The following OSBP2 variants were observed in gnomAD, a reference collection of about 807,000 sequenced individuals.
The protein encoded by OSBP2 is oxysterol binding protein 2, also known as oxysterol-binding protein 2.
In OSBP2, 66 loss-of-function variants were observed where a neutral mutation model predicts 96.0. That is an observed-to-expected ratio of 0.69 (90% CI 0.56 to 0.84). The LOEUF (loss-of-function observed/expected upper bound fraction) is 0.84, where lower values mean the gene tolerates loss of function less well. OSBP2 is among the 40% of genes least tolerant of loss of function. The probability of loss-of-function intolerance (pLI) is 0.00; values close to 1 mark genes in which losing one functional copy is unlikely to be tolerated. For missense variants in OSBP2, 1,038 were observed against 1,222.7 expected (o/e 0.85, Z 2.25); for synonymous variants, 525 against 520.9 (o/e 1.01, Z -0.11).
At chr22:30,847,823 T>C (rs2147051866) in intron 2 of OSBP2, among the ~76,000 whole-genome samples, 1 of 152,342 alleles carries the variant, frequency 6.6e-6, no homozygotes, top group South Asian at 2.1e-4. Context: ...TGTAGTGATT[T>C]CCCCTCTTTC....
At chr22:30,805,402 A>C (rs1269262339) in intron 2 of OSBP2, among the ~76,000 whole-genome samples, 1 of 152,202 alleles carries the variant, frequency 6.6e-6, no homozygotes, top group East Asian at 1.9e-4. Flanking sequence ...GTGTGATGTT[A>C]ATGAGTGAAA....
intron 1 of OSBP2, among the ~76,000 whole-genome samples, chr22:30,725,415 G>A (rs2089629610): frequency 6.6e-6 from 1 of 151,934 alleles, no homozygotes; most frequent in Non-Finnish European, 1.5e-5. Context: ...GGAGGCTGAA[G>A]CATGAGAATC....
intron 12 of OSBP2, chr22:30,902,170 G>A: frequency 3.1e-6 from 2 of 637,318 alleles, no homozygotes; most frequent in South Asian, 4.3e-5. Flanking sequence ...TCCCACGGCA[G>A]TACTGGTGGC....
At chr22:30,808,543 C>T (rs2145853108) in intron 2 of OSBP2, among the ~76,000 whole-genome samples, 1 of 152,244 alleles carries the variant, frequency 6.6e-6, no homozygotes, top group East Asian at 1.9e-4. Flanking sequence ...ATCCTAACCC[C>T]TTGTACCTGT....
intron 11 of OSBP2, 33 bp from the exon 12 acceptor site, chr22:30,893,784 C>T: frequency 6.2e-7 from 1 of 1,607,932 alleles, no homozygotes; most frequent in Admixed American, 1.7e-5. Context: ...AGGGCAGAGT[C>T]TGCACCTACG....
intron 12 of OSBP2, among the ~76,000 whole-genome samples, chr22:30,898,643 T>C (rs1202809397): frequency 6.6e-6 from 1 of 152,038 alleles, no homozygotes; most frequent in Non-Finnish European, 1.5e-5. Flanking sequence ...ACTCACTCAC[T>C]ATCACAAGAA....
chr22:30,796,497 T>TTAAA (rs1372407120), intron 2 of OSBP2, among the ~76,000 whole-genome samples: 5 of 151,982 alleles, frequency 3.3e-5, no homozygotes, highest in Admixed American at 6.5e-5. Context: ...TTTAATTTTT[T>TTAAA]TTAATTATTT....
At chr22:30,831,456 C>A (rs1186922569) in intron 2 of OSBP2, among the ~76,000 whole-genome samples, 1 of 152,154 alleles carries the variant, frequency 6.6e-6, no homozygotes, top group African/African-American at 2.4e-5. Context: ...GGAACCCAAG[C>A]CAGACAGGAC....
At chr22:30,860,205 A>C (rs1037960719) in intron 2 of OSBP2, among the ~76,000 whole-genome samples, 13 of 152,196 alleles carry the variant, frequency 8.5e-5, no homozygotes, top group African/African-American at 3.1e-4. Context: ...GTTACCAGTC[A>C]GTCCCATCGC....
chr22:30,744,544 G>A (rs1220191564), intron 2 of OSBP2, among the ~76,000 whole-genome samples: 2 of 152,078 alleles, frequency 1.3e-5, no homozygotes, highest in Non-Finnish European at 2.9e-5. Context: ...CTATCTGGAT[G>A]TCTATCAGGA....
rs146369673 is a variant in OSBP2 at position 30,889,717 on chromosome 22, T to G, written c.1623+81T>G. 10,073 of 1,317,186 alleles carry G rather than the reference T, an allele frequency of 7.6e-3. 57 individuals carry two copies. Among genetic ancestry groups the G allele is most frequent in the Non-Finnish European group, 9.1e-3 (8,378 of 919,316 alleles). 81.6% of individuals were successfully genotyped at this position (1,317,186 alleles called of 1,614,324 possible). A position where few individuals can be genotyped will look rare whatever the true frequency, so the allele number is the denominator to read the frequency against. On this transcript the variant is annotated intron_variant, in intron 7 of 13. Coordinates refer to ENST00000332585, the MANE Select transcript of OSBP2 (RefSeq NM_030758.4). ...CGTGGATGAGCAGTAATGGCCTGTG[T>G]GAAGTACACACAGCCTTGGAGTGTC...
At chr22:30,858,354 G>A (rs1161714590) in intron 2 of OSBP2, among the ~76,000 whole-genome samples, 6 of 150,702 alleles carry the variant, frequency 4.0e-5, no homozygotes, top group Non-Finnish European at 3.0e-5. Context: ...CACCTTGTTA[G>A]CCAGGATGGT....
At chr22:30,750,836 C>T (rs1244651044) in intron 2 of OSBP2, among the ~76,000 whole-genome samples, 1 of 152,168 alleles carries the variant, frequency 6.6e-6, no homozygotes, top group Admixed American at 6.5e-5. Flanking sequence ...CCTCTGCCTC[C>T]CAGGTTCGAG....
intron 1 of OSBP2, among the ~76,000 whole-genome samples, chr22:30,696,749 G>A (rs147668892): frequency 2.0e-4 from 30 of 152,214 alleles, no homozygotes; most frequent in African/African-American, 6.7e-4. Flanking sequence ...CGCCCCCCAG[G>A]TTCAAGCAAT....
intron 1 of OSBP2, among the ~76,000 whole-genome samples, chr22:30,727,712 C>T (rs1569098730): frequency 6.6e-6 from 1 of 152,080 alleles, no homozygotes. Flanking sequence ...TAACCTAAGT[C>T]TAATATGCGT....
intron 2 of OSBP2, among the ~76,000 whole-genome samples, chr22:30,812,908 C>G (rs1009172064): frequency 6.6e-6 from 1 of 151,820 alleles, no homozygotes; most frequent in African/African-American, 2.4e-5. Context: ...TATTTTGTGA[C>G]TTGTATATTT....
intron 2 of OSBP2, among the ~76,000 whole-genome samples, chr22:30,789,512 G>A (rs547173987): frequency 5.9e-5 from 9 of 152,162 alleles, no homozygotes; most frequent in East Asian, 1.9e-4. Context: ...TGATTTCCTC[G>A]TCATTGACCC....
In OSBP2 at chr22:30,881,620, T is replaced by C; in HGVS notation, c.1108-5806T>C. The C allele has an allele frequency of 1.6e-6, 2 of 1,289,080 alleles. No individual in the cohort carries two copies. Among genetic ancestry groups the C allele is most frequent in the Admixed American group, 2.3e-5 (1 of 43,140 alleles). 79.9% of individuals were successfully genotyped at this position (1,289,080 alleles called of 1,614,324 possible). On this transcript the variant is annotated intron_variant, in intron 3 of 13. Transcript: ENST00000332585. This position sits in a 1 kb window ranked among gnomAD's most constrained non-coding sequence, Gnocchi z 4.5. ...GCCCCTGGGAACCTCCCCCTGCCAGTCCCTCTGCCGGGCCCCAAGCCTAAT... is the reference window on the plus strand; with the variant it reads ...GCCCCTGGGAACCTCCCCCTGCCAGCCCCTCTGCCGGGCCCCAAGCCTAAT...
intron 3 of OSBP2, among the ~76,000 whole-genome samples, chr22:30,877,412 G>A (rs994097325): frequency 2.0e-5 from 3 of 152,134 alleles, no homozygotes; most frequent in Admixed American, 6.5e-5. Context: ...ACAGGTGCTC[G>A]GCCAGGCATG....
Sources: allele counts gnomAD v4.1 joint callset (sites outside exome capture counted in the v4.1 genomes callset), GRCh38; gene constraint gnomAD v4.1.1; non-coding constraint Gnocchi (gnomAD v3.1); transcripts MANE v1.5; gene names NCBI Gene and HGNC (gene_info 2026-07-23, HGNC 2026-07-21).